Variants in KIF13B observed in about 807,000 individuals in gnomAD.
KIF13B encodes the protein kinesin-like protein KIF13B.
In KIF13B, 127 loss-of-function variants were observed where a neutral mutation model predicts 222.0. The ratio of observed to expected loss-of-function variants is 0.57; its 90% CI spans 0.50 to 0.66. The LOEUF (loss-of-function observed/expected upper bound fraction) is 0.66, where lower values mean the gene tolerates loss of function less well. Among genes scored for constraint, KIF13B ranks in the 30% least tolerant of loss-of-function variants. The pLI, the probability that KIF13B is intolerant of heterozygous loss-of-function variation, is 0.00. For synonymous variants in KIF13B, 976 were observed against 919.0 expected (o/e 1.06, Z -1.12); for missense variants, 2,173 against 2,379.0 (o/e 0.91, Z 1.80).
chr8:29,180,406 T>A (rs1245285016), intron 7 of KIF13B, among the ~76,000 whole-genome samples, 168 bp from the exon 8 acceptor site: 2 of 152,210 alleles, frequency 1.3e-5, no homozygotes, highest in African/African-American at 4.8e-5. Context: ...CAATAGCCAA[T>A]ACTGTCTCTG....
At chr8:29,108,891 G>A (rs952387533) in intron 34 of KIF13B, among the ~76,000 whole-genome samples, 7 of 152,230 alleles carry the variant, frequency 4.6e-5, no homozygotes, top group African/African-American at 9.6e-5. Context: ...GTAATCAAGC[G>A]GCCAAGAGCC....
chr8:29,217,432 C>G (rs1217488806), intron 2 of KIF13B, among the ~76,000 whole-genome samples: 2 of 152,210 alleles, frequency 1.3e-5, no homozygotes, highest in African/African-American at 4.8e-5. Flanking sequence ...CTTCTCCAGG[C>G]TTCAGTTTCC....
intron 37 of KIF13B, among the ~76,000 whole-genome samples, chr8:29,084,969 C>T (rs7460987): frequency 0.87 from 132,238 of 152,214 alleles, 58,030 homozygotes; most frequent in Non-Finnish European, 0.93. Flanking sequence ...CAGAAATTGA[C>T]TACAAACAAA....
chr8:29,105,856 A>G (rs1284287099), intron 35 of KIF13B, among the ~76,000 whole-genome samples: 4 of 151,510 alleles, frequency 2.6e-5, no homozygotes, highest in African/African-American at 9.7e-5. Context: ...ACGGGGTTTC[A>G]CCATGTTGGG....
intron 36 of KIF13B, 140 bp from the exon 37 acceptor site, chr8:29,093,018 T>C: frequency 1.3e-6 from 1 of 765,466 alleles, no homozygotes; most frequent in Non-Finnish European, 2.0e-6. Flanking sequence ...AGAAACACAG[T>C]ATTATTGTAG....
chr8:29,124,900 A>G (rs2129763687), intron 26 of KIF13B, among the ~76,000 whole-genome samples: 1 of 146,642 alleles, frequency 6.8e-6, no homozygotes, highest in Admixed American at 6.9e-5. Context: ...AAAAAAAAAA[A>G]TTAGCTGGGC....
chr8:29,141,922 G>C (rs1173485568), intron 19 of KIF13B, among the ~76,000 whole-genome samples: 2 of 152,142 alleles, frequency 1.3e-5, no homozygotes, highest in African/African-American at 4.8e-5. Context: ...GGAAAGTGGA[G>C]AATTCTGCTA....
chr8:29,170,711 A>G (rs1322799575), intron 10 of KIF13B, among the ~76,000 whole-genome samples: 1 of 152,226 alleles, frequency 6.6e-6, no homozygotes, highest in African/African-American at 2.4e-5. Context: ...ACCAAGAAGC[A>G]CAAGATGAAC....
chr8:29,155,757 G>T lies in KIF13B; in HGVS notation c.1504C>A (p.Gln502Lys), dbSNP rs1811492571. The change falls in exon 14 of 40, where the codon CAG becomes AAG. Residue 502 changes from glutamine (Q) to lysine (K), a missense_variant. Gln to Lys is a moderately conservative substitution (Grantham distance 53, BLOSUM62 1). This residue lies in a region of KIF13B where 1,480 missense variants were observed against 1,722.8 expected (regional missense o/e 0.86). Coordinates refer to ENST00000524189, the MANE Select transcript of KIF13B (RefSeq NM_015254.4). ...TTCTTCTGAGGAGTCAGCATAACCT[G>T]GCCTTCTGACGTGATGTCTATAATA... ...HCIIDITSEGQVMLTPQKNTR... is the reference protein window; with the variant it reads ...HCIIDITSEGKVMLTPQKNTR... 6.2e-7 allele frequency: 1 copy of T among 1,604,876 alleles called. No individual in the cohort carries two copies. Among genetic ancestry groups the T allele is most frequent in the African/African-American group, 1.3e-5 (1 of 74,896 alleles).
intron 12 of KIF13B, among the ~76,000 whole-genome samples, chr8:29,163,196 C>T (rs774958441): frequency 1.3e-5 from 2 of 152,192 alleles, no homozygotes; most frequent in African/African-American, 4.8e-5. Context: ...AAAAATATTA[C>T]TGAGCATACA....
At position 29,078,127 on chromosome 8, in the gene KIF13B, C is replaced by CAAAAAA. The variant is rs10530503; in HGVS notation, c.4459-2790_4459-2785dup. Among the ~76,000 whole-genome samples, 244 of 74,274 alleles carry CAAAAAA rather than the reference C, an allele frequency of 3.3e-3. 28 individuals are homozygous for CAAAAAA. The highest frequency in any genetic ancestry group is 5.1e-3 in the African/African-American group (86 of 16,730). 48.7% of individuals were successfully genotyped at this position (74,274 alleles called of 152,430 possible). On this transcript the variant is annotated intron_variant, in intron 37 of 39. Coordinates refer to ENST00000524189, the MANE Select transcript of KIF13B (RefSeq NM_015254.4). ...GTGAAACCGTGTCTCTACTAAAATC[C>CAAAAAA]AAAAAAAAAAAAAAAAAATTAGCAG...
chr8:29,232,441 A>T (rs971318054), intron 2 of KIF13B, among the ~76,000 whole-genome samples: 7 of 146,588 alleles, frequency 4.8e-5, no homozygotes, highest in Admixed American at 3.4e-4. Context: ...TTAAAAAATA[A>T]ATATATATAT....
chr8:29,086,646 A>G (rs1563688348), intron 37 of KIF13B, among the ~76,000 whole-genome samples: 1 of 152,224 alleles, frequency 6.6e-6, no homozygotes, highest in Non-Finnish European at 1.5e-5. Context: ...TCCCCAAACC[A>G]TTCGGGGTGT....
chr8:29,102,639 T>C (rs1168683472), intron 35 of KIF13B, among the ~76,000 whole-genome samples: 1 of 152,204 alleles, frequency 6.6e-6, no homozygotes, highest in Non-Finnish European at 1.5e-5. Flanking sequence ...AGTCTGGTTT[T>C]GATCAGGAAA....
intron 36 of KIF13B, among the ~76,000 whole-genome samples, chr8:29,096,864 T>C (rs943901908): frequency 1.3e-5 from 2 of 152,170 alleles, no homozygotes; most frequent in South Asian, 4.2e-4. Flanking sequence ...TAAAATGAGA[T>C]ACTAATTTTT....
intron 3 of KIF13B, among the ~76,000 whole-genome samples, chr8:29,192,699 GA>G (rs1261116602): frequency 6.6e-6 from 1 of 152,116 alleles, no homozygotes; most frequent in African/African-American, 2.4e-5. Context: ...ATTTTTTTAA[GA>G]AAGAAAATTA....
chr8:29,118,569 A>G (rs1027525396), intron 30 of KIF13B, among the ~76,000 whole-genome samples: 1 of 152,154 alleles, frequency 6.6e-6, no homozygotes, highest in Non-Finnish European at 1.5e-5. Context: ...GCACTTCCGC[A>G]GCCCCTGCTT....
intron 1 of KIF13B, among the ~76,000 whole-genome samples, chr8:29,246,564 C>G (rs540189394): frequency 3.3e-5 from 5 of 152,160 alleles, no homozygotes; most frequent in East Asian, 1.9e-4. Context: ...CAAGGAAATC[C>G]TATTAAAATC....
intron 2 of KIF13B, among the ~76,000 whole-genome samples, chr8:29,224,662 A>ACCC (rs141038221): frequency 2.9e-4 from 42 of 146,074 alleles, no homozygotes; most frequent in East Asian, 1.4e-3. Flanking sequence ...TGTTTATAGA[A>ACCC]CCCCCCCCCA....
Sources: allele counts gnomAD v4.1 joint callset (sites outside exome capture counted in the v4.1 genomes callset), GRCh38; gene constraint gnomAD v4.1.1; regional missense constraint gnomAD v4.1.1; transcripts MANE v1.5; gene names NCBI Gene and HGNC (gene_info 2026-07-23, HGNC 2026-07-21).